The following CTNNA2 variants were observed in gnomAD, a reference collection of about 807,000 sequenced individuals.
The protein encoded by CTNNA2 is catenin alpha 2.
In CTNNA2, 42 loss-of-function variants were observed where a neutral mutation model predicts 101.0. The ratio of observed to expected loss-of-function variants is 0.42; its 90% confidence interval spans 0.32 to 0.54. The LOEUF is 0.54. Among genes scored for constraint, CTNNA2 ranks in the 20% least tolerant of loss-of-function variants. CTNNA2 has a pLI of 0.14. For synonymous variants in CTNNA2, 450 were observed against 456.4 expected (o/e 0.99, Z 0.18); for missense variants, 871 against 1,223.1 (o/e 0.71, Z 4.29).
Position 79,229,223 on chromosome 2 carries a change from T to A in CTNNA2, c.-406+31147T>A, listed in dbSNP as rs1572989643. ...CTGGCTTTTTACTTTTTGCTTGGAA[T>A]GGCTTTAGCTATTTAGGCTGATATG... On this transcript the variant is annotated intron_variant, in intron 2 of 21. Transcript: ENST00000466387. Among the ~76,000 whole-genome samples the A allele has an allele frequency of 2.0e-5, 3 of 152,288 alleles. No individual in the cohort carries two copies. The Middle Eastern group carries it at 0.01, about 518-fold the overall frequency.
chr2:79,960,448 C>A (rs1274163280), intron 7 of CTNNA2, among the ~76,000 whole-genome samples: 3 of 152,202 alleles, frequency 2.0e-5, no homozygotes, highest in Non-Finnish European at 2.9e-5. Context: ...AAAACACCTA[C>A]AAGCAAACAA....
intron 12 of CTNNA2, among the ~76,000 whole-genome samples, chr2:80,570,710 G>A (rs1289654932): frequency 6.6e-6 from 1 of 151,912 alleles, no homozygotes; most frequent in Non-Finnish European, 1.5e-5. Flanking sequence ...CTCCCCTATC[G>A]TTTTTTTCTT....
intron 3 of CTNNA2, chr2:79,339,573 A>G (rs1185687970): frequency 6.6e-6 from 1 of 152,216 alleles, no homozygotes; most frequent in East Asian, 1.9e-4. Flanking sequence ...ACCTGATTCA[A>G]TAAGCCCGCA....
chr2:79,324,136 G>A lies in CTNNA2; in HGVS notation c.-318+11340G>A, dbSNP rs115195402. On this transcript the variant is annotated intron_variant, in intron 3 of 21. Transcript: ENST00000466387. Reference sequence around the variant, plus strand: ...TGCTCTTTTATAAAATTCTTTTGATGGCAAGACATAACATAATGACGCTTG... The same window carrying A: ...TGCTCTTTTATAAAATTCTTTTGATAGCAAGACATAACATAATGACGCTTG... Among the ~76,000 whole-genome samples the A allele has an allele frequency of 3.1e-3, 473 of 152,220 alleles. 2 individuals are homozygous for A. The highest frequency in any genetic ancestry group is 0.011 in the African/African-American group (454 of 41,538).
At chr2:79,210,253 AC>A (rs937465786) in intron 2 of CTNNA2, among the ~76,000 whole-genome samples, 5 of 152,146 alleles carry the variant, frequency 3.3e-5, no homozygotes, top group African/African-American at 7.2e-5. Context: ...ATAGTAAGAG[AC>A]TTTTTTCTTA....
chr2:80,624,203 T>G (rs1021786296), intron 18 of CTNNA2, among the ~76,000 whole-genome samples: 6 of 151,014 alleles, frequency 4.0e-5, no homozygotes, highest in African/African-American at 1.5e-4. Flanking sequence ...TATTCTTTTG[T>G]AGGGCCATTT....
chr2:79,894,535 T>C (rs1684566813), intron 6 of CTNNA2, among the ~76,000 whole-genome samples: 1 of 152,190 alleles, frequency 6.6e-6, no homozygotes, highest in Non-Finnish European at 1.5e-5. Flanking sequence ...GTATTCCACA[T>C]TCTGCCGTAA....
At chr2:79,653,322 A>ATTTCATCCC (rs1681387565) in intron 2 of CTNNA2, among the ~76,000 whole-genome samples, 1 of 152,068 alleles carries the variant, frequency 6.6e-6, no homozygotes, top group South Asian at 2.1e-4. Context: ...GCCTTCGTGC[A>ATTTCATCCC]TTTCATCCCT....
In CTNNA2 at chr2:80,004,207, G is replaced by A. The variant is rs536209771; in HGVS notation, c.1056+94410G>A. Among the ~76,000 whole-genome samples, 137 of 152,182 alleles carry A rather than the reference G, an allele frequency of 9.0e-4. 1 individual carries two copies. The highest frequency in any genetic ancestry group is 3.2e-3 in the African/African-American group (132 of 41,510). ...CAGTCTCCTTTATATTTATTTGGGC[G>A]CAATAACTATTTCTGAGGAGCATTT... On this transcript the variant is annotated intron_variant, in intron 7 of 18. Transcript: ENST00000402739.
intron 7 of CTNNA2, among the ~76,000 whole-genome samples, chr2:79,999,923 C>A (rs1032144332): frequency 6.6e-6 from 1 of 152,062 alleles, no homozygotes; most frequent in Non-Finnish European, 1.5e-5. Context: ...TTTAACTCAG[C>A]AGAATGTATA....
chr2:79,802,841 T>C (rs879751583), intron 3 of CTNNA2, among the ~76,000 whole-genome samples: 28 of 152,238 alleles, frequency 1.8e-4, no homozygotes, highest in Non-Finnish European at 4.0e-4. Context: ...TACTTTAGGC[T>C]TTATTATCTT....
chr2:80,174,251 C>G (rs181711045), intron 7 of CTNNA2, among the ~76,000 whole-genome samples: 151 of 152,284 alleles, frequency 9.9e-4, no homozygotes, highest in South Asian at 6.8e-3. Flanking sequence ...ACTGTGTTGC[C>G]TCATAATATG....
intron 7 of CTNNA2, among the ~76,000 whole-genome samples, chr2:80,012,984 T>C (rs1406345291): frequency 6.6e-6 from 1 of 152,110 alleles, no homozygotes; most frequent in East Asian, 1.9e-4. Flanking sequence ...GGCAACATAA[T>C]GAGACTCTGT....
chr2:79,242,999 C>CACACACACACACACACAT (rs1553385597), intron 2 of CTNNA2, among the ~76,000 whole-genome samples: 58 of 109,978 alleles, frequency 5.3e-4, no homozygotes, highest in African/African-American at 1.4e-3. Flanking sequence ...TATATACACA[C>CACACACACACACACACAT]ACACACACAC....
At chr2:79,520,834 G>T (rs1255880950) in intron 1 of CTNNA2, among the ~76,000 whole-genome samples, 1 of 152,014 alleles carries the variant, frequency 6.6e-6, no homozygotes, top group African/African-American at 2.4e-5. Flanking sequence ...ACCAAGTTTT[G>T]GAGAGGATGT....
chr2:79,664,721 TTTTTTTTTTTGAGACGGAGTCTCGCTG>T (rs1461389371), intron 2 of CTNNA2, among the ~76,000 whole-genome samples: 1 of 139,028 alleles, frequency 7.2e-6, no homozygotes, highest in Admixed American at 7.2e-5. Flanking sequence ...TTTTTTTTTT[TTTTTTTTTTTGAGACGGAGTCTCGCTG>T]TCTCCCCGGT....
At chr2:79,225,166 A>G (rs1300785024) in intron 2 of CTNNA2, among the ~76,000 whole-genome samples, 2 of 152,142 alleles carry the variant, frequency 1.3e-5, no homozygotes, top group Non-Finnish European at 2.9e-5. Flanking sequence ...AGGTCACAAA[A>G]TAGATGTGTT....
intron 3 of CTNNA2, among the ~76,000 whole-genome samples, chr2:79,334,999 G>A (rs747685758): frequency 9.9e-5 from 15 of 151,836 alleles, no homozygotes; most frequent in Non-Finnish European, 1.9e-4. Flanking sequence ...CTCCCCCACC[G>A]CCCATGCACA....
At chr2:80,051,954 C>G (rs548755529) in intron 7 of CTNNA2, among the ~76,000 whole-genome samples, 53 of 152,226 alleles carry the variant, frequency 3.5e-4, no homozygotes, top group African/African-American at 9.9e-4. Flanking sequence ...GTGCCCGTTT[C>G]CCCTAAACAA....
Sources: allele counts gnomAD v4.1 joint callset (sites outside exome capture counted in the v4.1 genomes callset), GRCh38; gene constraint gnomAD v4.1.1; transcripts MANE v1.5; gene names NCBI Gene and HGNC (gene_info 2026-07-23, HGNC 2026-07-21).